The following TAFA1 variants were observed in gnomAD, a reference collection of about 807,000 sequenced individuals.
TAFA1 encodes chemokine-like protein TAFA-1.
Under a neutral mutation model 18.5 loss-of-function variants are expected in TAFA1, and 4 were observed. The ratio of observed to expected loss-of-function variants is 0.22; its 90% CI spans 0.11 to 0.49. TAFA1 has a LOEUF of 0.49. TAFA1 is among the 20% of genes least tolerant of loss of function. The pLI is 0.98. For synonymous variants in TAFA1, 56 were observed against 55.2 expected, an observed-to-expected ratio of 1.01 and a Z score of -0.06; for missense variants, 147 against 169.0, an observed-to-expected ratio of 0.87 and a Z score of 0.72.
At chr3:68,003,683 C>A (rs1704311974), upstream of TAFA1, among the ~76,000 whole-genome samples, 1 of 152,102 alleles carries the variant, frequency 6.6e-6, no homozygotes, top group African/African-American at 2.4e-5. Flanking sequence ...CCTCCCCACC[C>A]CAGCATGTTA....
chr3:68,059,929 C>T (rs2064580443), intron 2 of TAFA1, among the ~76,000 whole-genome samples: 1 of 152,022 alleles, frequency 6.6e-6, no homozygotes, highest in Admixed American at 6.5e-5. Flanking sequence ...AGCTGGGGAG[C>T]CCCCGCAGGC....
chr3:68,287,571 C>A (rs1171117044), intron 2 of TAFA1, among the ~76,000 whole-genome samples: 1 of 152,158 alleles, frequency 6.6e-6, no homozygotes, highest in Non-Finnish European at 1.5e-5. Flanking sequence ...CTGTGAGAAC[C>A]TTCTCACCAC....
rs1463673876 is a variant in TAFA1, at chr3:68,430,305, G to T, written c.259+12885G>T. On this transcript the variant is annotated intron_variant, in intron 3 of 4. Transcript: ENST00000478136. ...GGCATAGAAGAGAGCATGCAGAAAA[G>T]CCATGGGTTTTAATCAAAAAGTTGA... Among the ~76,000 whole-genome samples the T allele has an allele frequency of 2.0e-5, 3 of 152,062 alleles. No individual in the cohort carries two copies. In the East Asian group the frequency reaches 5.8e-4, roughly 30 times the overall value.
chr3:68,276,150 A>G (rs972319005), intron 2 of TAFA1, among the ~76,000 whole-genome samples: 3 of 151,164 alleles, frequency 2.0e-5, no homozygotes, highest in African/African-American at 7.3e-5. Flanking sequence ...TAATTTAATA[A>G]CCCAACTAAA....
chr3:68,344,259 T>C (rs1166852552), intron 2 of TAFA1, among the ~76,000 whole-genome samples: 1 of 152,120 alleles, frequency 6.6e-6, no homozygotes, highest in Non-Finnish European at 1.5e-5. Flanking sequence ...TCTGTTAGGG[T>C]GTTTGAACTA....
intron 2 of TAFA1, among the ~76,000 whole-genome samples, chr3:68,016,023 CTTGAG>C (rs879548225): frequency 6.6e-6 from 1 of 152,104 alleles, no homozygotes; most frequent in Non-Finnish European, 1.5e-5. Context: ...TGAGTGTTGT[CTTGAG>C]TTATTAGTGA....
intron 2 of TAFA1, among the ~76,000 whole-genome samples, chr3:68,040,783 C>T (rs376873136): frequency 5.3e-5 from 8 of 152,312 alleles, no homozygotes; most frequent in East Asian, 3.9e-4. Flanking sequence ...TTTTGATGAA[C>T]ACTAATGATT....
chr3:68,329,287 C>T (rs887910918), intron 2 of TAFA1, among the ~76,000 whole-genome samples: 9 of 142,250 alleles, frequency 6.3e-5, no homozygotes, highest in Non-Finnish European at 7.5e-5. Context: ...AGGCTGGCCT[C>T]GAACTACTGA....
chr3:68,024,869 C>T (rs753708533), intron 2 of TAFA1, among the ~76,000 whole-genome samples: 3 of 150,172 alleles, frequency 2.0e-5, no homozygotes, highest in African/African-American at 2.4e-5. Context: ...AATCATATTT[C>T]GGAAATAAAG....
intron 2 of TAFA1, among the ~76,000 whole-genome samples, chr3:68,120,490 C>T (rs1203191045): frequency 1.3e-5 from 2 of 152,092 alleles, no homozygotes; most frequent in East Asian, 1.9e-4. Context: ...CTCAAGTGAT[C>T]CACCCACCTC....
At chr3:68,424,022 C>T (rs1486306902) in intron 3 of TAFA1, among the ~76,000 whole-genome samples, 1 of 152,004 alleles carries the variant, frequency 6.6e-6, no homozygotes, top group Non-Finnish European at 1.5e-5. Context: ...CAGGTTACAT[C>T]AGAAAACTTT....
intron 2 of TAFA1, among the ~76,000 whole-genome samples, chr3:68,048,609 C>T (rs2064424452): frequency 6.6e-6 from 1 of 152,050 alleles, no homozygotes; most frequent in Admixed American, 6.6e-5. Flanking sequence ...TCTCCCCCTA[C>T]TAGCCTTCCC....
chr3:68,340,274 G>C (rs958792879), intron 2 of TAFA1, among the ~76,000 whole-genome samples: 5 of 152,132 alleles, frequency 3.3e-5, no homozygotes, highest in African/African-American at 1.2e-4. Flanking sequence ...AATTTAAATA[G>C]CCAAGGTTTC....
chr3:68,387,851 A>C (rs1266287230), intron 2 of TAFA1, among the ~76,000 whole-genome samples: 1 of 152,146 alleles, frequency 6.6e-6, no homozygotes, highest in East Asian at 1.9e-4. Context: ...GGTTATTTAT[A>C]ATATGCATTT....
At chr3:68,324,463 G>A (rs2068745537) in intron 2 of TAFA1, among the ~76,000 whole-genome samples, 1 of 152,204 alleles carries the variant, frequency 6.6e-6, no homozygotes, top group Non-Finnish European at 1.5e-5. Context: ...TTTCTTGCTT[G>A]TAACAGAGAG....
At chr3:68,298,059 G>A (rs1363802617) in intron 2 of TAFA1, among the ~76,000 whole-genome samples, 3 of 152,068 alleles carry the variant, frequency 2.0e-5, no homozygotes, top group South Asian at 2.1e-4. Flanking sequence ...CTTGCACTTG[G>A]AGATGTTTTC....
chr3:68,356,033 C>T (rs566593532), intron 2 of TAFA1, among the ~76,000 whole-genome samples: 1 of 151,868 alleles, frequency 6.6e-6, no homozygotes, highest in Admixed American at 6.6e-5. Flanking sequence ...AGTAGCTACA[C>T]TTGAAGTGCT....
At chr3:68,493,242 T>C (rs973346888) in intron 3 of TAFA1, among the ~76,000 whole-genome samples, 1 of 152,214 alleles carries the variant, frequency 6.6e-6, no homozygotes, top group African/African-American at 2.4e-5. Context: ...AATCATACTG[T>C]ATTTTTCCTT....
intron 2 of TAFA1, among the ~76,000 whole-genome samples, chr3:68,366,049 G>T (rs969409244): frequency 7.4e-6 from 1 of 134,244 alleles, no homozygotes; most frequent in Non-Finnish European, 1.5e-5. Flanking sequence ...TTGCACCACC[G>T]CACTCCAGCC....
Sources: allele counts gnomAD v4.1 joint callset (sites outside exome capture counted in the v4.1 genomes callset), GRCh38; gene constraint gnomAD v4.1.1; transcripts MANE v1.5; gene names NCBI Gene and HGNC (gene_info 2026-07-23, HGNC 2026-07-21).